Variants in NRP2 observed in about 807,000 individuals in gnomAD.
NRP2 encodes the protein neuropilin 2.
In NRP2, 52 loss-of-function variants were observed where a neutral mutation model predicts 110.4. The ratio of observed to expected loss-of-function variants is 0.47; its 90% CI spans 0.38 to 0.59. The LOEUF is 0.59. Among genes scored for constraint, NRP2 ranks in the 20% least tolerant of loss-of-function variants. NRP2 has a pLI of 0.00. For synonymous variants in NRP2, 508 were observed against 468.9 expected (o/e 1.08, Z -1.08); for missense variants, 1,049 against 1,203.0 (o/e 0.87, Z 1.89).
intron 7 of NRP2, among the ~76,000 whole-genome samples, chr2:205,728,947 G>A (rs1265328504): frequency 1.3e-5 from 2 of 152,204 alleles, no homozygotes; most frequent in African/African-American, 4.8e-5. Flanking sequence ...CTAAAAAGGA[G>A]GTAGGGAGGG....
intron 15 of NRP2, among the ~76,000 whole-genome samples, chr2:205,789,113 G>A (rs1365524394): frequency 6.6e-6 from 1 of 152,178 alleles, no homozygotes; most frequent in Non-Finnish European, 1.5e-5. Flanking sequence ...CAGCCAATCC[G>A]GATCTGAGAT....
At chr2:205,726,843 A>G (rs561853017) in intron 6 of NRP2, among the ~76,000 whole-genome samples, 1 of 152,298 alleles carries the variant, frequency 6.6e-6, no homozygotes. Context: ...CCTCTGCTCT[A>G]AGAAGGATAT....
intron 3 of NRP2, among the ~76,000 whole-genome samples, chr2:205,719,337 G>A (rs769000090): frequency 6.6e-6 from 1 of 152,160 alleles, no homozygotes; most frequent in South Asian, 2.1e-4. Flanking sequence ...GGCGTGGAAG[G>A]TTCATGTCTG....
At chr2:205,684,139 G>A (rs1399105913) in intron 1 of NRP2, among the ~76,000 whole-genome samples, 1 of 152,236 alleles carries the variant, frequency 6.6e-6, no homozygotes, top group Non-Finnish European at 1.5e-5. Flanking sequence ...AAAAGGGTGT[G>A]TGGACAGGCT....
At chr2:205,716,725 G>A (rs2056904623) in intron 3 of NRP2, among the ~76,000 whole-genome samples, 2 of 152,134 alleles carry the variant, frequency 1.3e-5, no homozygotes, top group Admixed American at 6.5e-5. Context: ...ACTTTCTCAC[G>A]ATTACTTCAT....
At chr2:205,766,953 A>C in intron 15 of NRP2, 150 bp downstream of exon 15, 2 of 701,658 alleles carry the variant, frequency 2.9e-6, no homozygotes, top group Non-Finnish European at 5.0e-6. Context: ...GCTAGATGGC[A>C]CTAGCAACAC....
rs1394227256 is a variant in NRP2 at position 205,794,812 on chromosome 2, C to G, written c.2535C>G (p.Pro845=). The G allele has an allele frequency of 4.3e-6, 7 of 1,614,092 alleles. No individual in the cohort carries two copies. Among genetic ancestry groups the G allele is most frequent in the Non-Finnish European group, 5.9e-6 (7 of 1,180,050 alleles). Residue 845 remains proline (P), a synonymous_variant, in exon 17 of 17, where the codon CCC becomes CCG. Transcript: ENST00000357785. ...CTGCAACCTCAGGGTCTGGCGCCCC[C>G]TCGACCGACAAAGAAAAGAGCTGGC... ...SSSATSGSGA[P]STDKEKSWLY...
chr2:205,714,759 T>C (rs2056861358), intron 2 of NRP2, among the ~76,000 whole-genome samples: 1 of 152,198 alleles, frequency 6.6e-6, no homozygotes, highest in Non-Finnish European at 1.5e-5. Flanking sequence ...AGTCCAGCCC[T>C]GTGGGGTCTA....
rs141385370 is a variant in NRP2, at chr2:205,737,251, A to C, written c.1147-3268A>C. Among the ~76,000 whole-genome samples, 15 of 152,360 alleles carry C rather than the reference A, an allele frequency of 9.8e-5. No homozygotes were observed. In the East Asian group the frequency reaches 2.9e-3, roughly 29 times the overall value. On this transcript the variant is annotated intron_variant, in intron 7 of 16. Transcript: ENST00000357785. ...AAAAGTCCACAGCCACCGTCTGCAA[A>C]AGCACTTAGGCTGTAAGGGACAACG...
chr2:205,787,567 C>A (rs1248247820), intron 15 of NRP2, among the ~76,000 whole-genome samples: 1 of 152,128 alleles, frequency 6.6e-6, no homozygotes, highest in Admixed American at 6.5e-5. Flanking sequence ...TATACTCATA[C>A]AATATGCTCT....
At chr2:205,791,856 G>A (rs958956611) in intron 15 of NRP2, among the ~76,000 whole-genome samples, 1 of 152,214 alleles carries the variant, frequency 6.6e-6, no homozygotes, top group East Asian at 1.9e-4. Flanking sequence ...CTATGAAGAG[G>A]TGCAGCATGA....
Position 205,688,850 on chromosome 2 carries a change from A to G in NRP2, c.73+5487A>G, listed in dbSNP as rs530651385. On this transcript the variant is annotated intron_variant, in intron 1 of 16. Transcript: ENST00000357785. Reference sequence around the variant, plus strand: ...ATAGGAGTTGGCAAAAAACAAAAAAACAAAACAAAACAAAAAAAACAAAAA... The same window carrying G: ...ATAGGAGTTGGCAAAAAACAAAAAAGCAAAACAAAACAAAAAAAACAAAAA... 1.2e-4 allele frequency among the ~76,000 whole-genome samples: 10 copies of G among 80,772 alleles called. No individual in the cohort carries two copies. In the East Asian group the frequency reaches 0.031, roughly 248 times the overall value. The allele number at this position is 80,772 out of a possible 152,430, so 53.0% of individuals were successfully genotyped here. A position where few individuals can be genotyped will look rare whatever the true frequency, so the allele number is the denominator to read the frequency against.
intron 11 of NRP2, among the ~76,000 whole-genome samples, chr2:205,750,380 A>G (rs1462240761): frequency 6.6e-6 from 1 of 152,206 alleles, no homozygotes; most frequent in African/African-American, 2.4e-5. Flanking sequence ...ATTCTATAAG[A>G]TAGTGCACTG....
In NRP2 at chr2:205,686,723, G is replaced by C. The variant is rs972778601; in HGVS notation, c.73+3360G>C. ...GTTTTAGGGGATCTTGCCCATATGC[G>C]TTGCGGCTTCTGCGGCTCCGGCTGA... On this transcript the variant is annotated intron_variant, in intron 1 of 16. Transcript: ENST00000357785. This position sits in a 1 kb window ranked among gnomAD's most constrained non-coding sequence, Gnocchi z 4.7. Among the ~76,000 whole-genome samples, 6 of 152,166 alleles carry C rather than the reference G, an allele frequency of 3.9e-5. No individual in the cohort carries two copies. Among genetic ancestry groups the C allele is most frequent in the Non-Finnish European group, 8.8e-5 (6 of 68,034 alleles).
chr2:205,734,477 G>C (rs10180058), intron 7 of NRP2, among the ~76,000 whole-genome samples: 4,195 of 149,548 alleles, frequency 0.028, 165 homozygotes, highest in African/African-American at 0.094. Context: ...AAACAGGATG[G>C]CATTCATTGA....
chr2:205,705,415 A>G (rs1181107628), intron 2 of NRP2, among the ~76,000 whole-genome samples: 1 of 152,240 alleles, frequency 6.6e-6, no homozygotes, highest in Non-Finnish European at 1.5e-5. Context: ...AAGGAAAAGG[A>G]GAAAGAAATG....
chr2:205,775,068 T>G (rs74182375), intron 15 of NRP2, among the ~76,000 whole-genome samples: 3,492 of 152,318 alleles, frequency 0.023, 54 homozygotes, highest in Middle Eastern at 0.034. Flanking sequence ...ATGGCTCCCC[T>G]GCTGGGGCAC....
At chr2:205,765,059 T>A (rs927158646) in intron 13 of NRP2, among the ~76,000 whole-genome samples, 2 of 152,178 alleles carry the variant, frequency 1.3e-5, no homozygotes, top group Non-Finnish European at 2.9e-5. Flanking sequence ...ATTTCTCACA[T>A]TACCCCCACC....
At chr2:205,697,192 G>T (rs1303689117) in intron 1 of NRP2, among the ~76,000 whole-genome samples, 1 of 152,084 alleles carries the variant, frequency 6.6e-6, no homozygotes, top group Non-Finnish European at 1.5e-5. Context: ...AGAGGAAGAT[G>T]GGCCAAGGAG....
Sources: gnomAD v4.1 joint callset for allele counts (sites outside exome capture counted in the v4.1 genomes callset) on GRCh38, gnomAD v4.1.1 for gene constraint, Gnocchi (gnomAD v3.1) non-coding constraint, MANE v1.5 for transcripts, NCBI Gene and HGNC (gene_info 2026-07-23, HGNC 2026-07-21) for gene names.